Variants in GPR158 observed in about 807,000 individuals in gnomAD.
GPR158 encodes metabotropic glycine receptor.
A neutral mutation model predicts 78.2 loss-of-function variants in GPR158; 30 were observed. That is an observed-to-expected ratio of 0.38 (90% confidence interval 0.29 to 0.52). The LOEUF (loss-of-function observed/expected upper bound fraction) is 0.52. Ranked by LOEUF, GPR158 falls within the 20% of genes least tolerant of loss-of-function variation. GPR158 has a pLI of 0.83. For missense variants in GPR158, 1,463 were observed against 1,523.5 expected (o/e 0.96, Z 0.66); for synonymous variants, 581 against 591.1 (o/e 0.98, Z 0.25).
chr10:25,241,362 CTT>C (rs1353950023), intron 2 of GPR158, among the ~76,000 whole-genome samples: 2 of 109,648 alleles, frequency 1.8e-5, no homozygotes, highest in East Asian at 2.5e-4. Flanking sequence ...TTTCTTTTCT[CTT>C]TTCTTTTCTC....
chr10:25,529,843 C>G (rs909338054), intron 5 of GPR158, among the ~76,000 whole-genome samples: 1 of 152,180 alleles, frequency 6.6e-6, no homozygotes, highest in African/African-American at 2.4e-5. Flanking sequence ...GGCCTTGGTT[C>G]CAGTGCCTAG....
chr10:25,413,602 T>G (rs1384361797), intron 4 of GPR158, among the ~76,000 whole-genome samples: 2 of 152,158 alleles, frequency 1.3e-5, no homozygotes, highest in Non-Finnish European at 2.9e-5. Context: ...ACAGATTGGT[T>G]TAGATTACAG....
rs3054026 is a variant in GPR158, at chr10:25,328,927, C to CAAAAA, written c.1009-66967_1009-66963dup. Among the ~76,000 whole-genome samples the CAAAAA allele has an allele frequency of 3.5e-3, 313 of 88,882 alleles. 6 individuals are homozygous for CAAAAA. Among genetic ancestry groups the CAAAAA allele is most frequent in the African/African-American group, 9.7e-3 (172 of 17,648 alleles). 58.3% of individuals were successfully genotyped at this position (88,882 alleles called of 152,430 possible). ...GGGCAACAAGAGCGAAACTTCATCA[C>CAAAAA]AAAAAAAAAAAAAAAAAAAAAGAAT... On this transcript the variant is annotated intron_variant, in intron 2 of 10. Coordinates refer to ENST00000376351, the MANE Select transcript of GPR158 (RefSeq NM_020752.3).
intron 2 of GPR158, among the ~76,000 whole-genome samples, chr10:25,270,744 A>G (rs1246637095): frequency 6.6e-6 from 1 of 152,126 alleles, no homozygotes; most frequent in African/African-American, 2.4e-5. Flanking sequence ...TTTATCTCAT[A>G]CTATTTTTGT....
chr10:25,443,184 A>C (rs183876325), intron 4 of GPR158, among the ~76,000 whole-genome samples: 2 of 152,222 alleles, frequency 1.3e-5, no homozygotes, highest in Admixed American at 1.3e-4. Context: ...TCCTGGGTTC[A>C]AGTGATCCCC....
chr10:25,204,509 A>T (rs1179335030), intron 1 of GPR158, among the ~76,000 whole-genome samples: 2 of 152,150 alleles, frequency 1.3e-5, no homozygotes, highest in Non-Finnish European at 2.9e-5. Flanking sequence ...CTATTGAGAT[A>T]ATTATGTGGT....
chr10:25,408,869 C>T (rs1834550853), intron 3 of GPR158, among the ~76,000 whole-genome samples: 1 of 152,180 alleles, frequency 6.6e-6, no homozygotes, highest in African/African-American at 2.4e-5. Flanking sequence ...TCATGCTTCG[C>T]ACTTCCTGTT....
chr10:25,453,214 G>T lies in GPR158; in HGVS notation c.1336-13437G>T, dbSNP rs569649676. Among the ~76,000 whole-genome samples the T allele has an allele frequency of 3.3e-5, 5 of 152,252 alleles. No homozygotes were observed. In the South Asian group the frequency reaches 1.0e-3, roughly 32 times the overall value. On this transcript the variant is annotated intron_variant, in intron 4 of 10. Transcript: ENST00000376351. Reference sequence around the variant, plus strand: ...AGTGCAGATACCGCTTCGACATACTGATTTCATTTCCTTTGAATATATATC... The same window carrying T: ...AGTGCAGATACCGCTTCGACATACTTATTTCATTTCCTTTGAATATATATC...
intron 5 of GPR158, among the ~76,000 whole-genome samples, chr10:25,549,690 G>A (rs1836705157): frequency 6.6e-6 from 1 of 151,998 alleles, no homozygotes; most frequent in Non-Finnish European, 1.5e-5. Context: ...TAACACTTTT[G>A]TCCGTATTTT....
At chr10:25,317,211 AT>A (rs906422712) in intron 2 of GPR158, among the ~76,000 whole-genome samples, 1 of 150,878 alleles carries the variant, frequency 6.6e-6, no homozygotes, top group Non-Finnish European at 1.5e-5. Flanking sequence ...CACCAGGCTA[AT>A]TTTTTTTGTA....
intron 4 of GPR158, among the ~76,000 whole-genome samples, chr10:25,417,424 T>G (rs1834678347): frequency 6.6e-6 from 1 of 152,168 alleles, no homozygotes; most frequent in African/African-American, 2.4e-5. Context: ...ACACACATGG[T>G]TCTCTTTCCC....
chr10:25,414,859 C>T (rs1290868128), intron 4 of GPR158, among the ~76,000 whole-genome samples: 4 of 152,034 alleles, frequency 2.6e-5, no homozygotes, highest in Non-Finnish European at 5.9e-5. Context: ...ACAGAGGTAG[C>T]ATTACAGTTG....
At chr10:25,188,438 T>G (rs964050155) in intron 1 of GPR158, among the ~76,000 whole-genome samples, 1 of 152,100 alleles carries the variant, frequency 6.6e-6, no homozygotes, top group Non-Finnish European at 1.5e-5. Context: ...AACACAGATA[T>G]AGACCAATGG....
At chr10:25,286,953 CT>C (rs1166147556) in intron 2 of GPR158, among the ~76,000 whole-genome samples, 2 of 152,060 alleles carry the variant, frequency 1.3e-5, no homozygotes, top group Admixed American at 6.6e-5. Flanking sequence ...TTTCTCTCCC[CT>C]TTTTTGCTTA....
intron 2 of GPR158, among the ~76,000 whole-genome samples, chr10:25,223,487 A>T (rs993063236): frequency 6.6e-6 from 1 of 152,196 alleles, no homozygotes; most frequent in African/African-American, 2.4e-5. Context: ...TACCTGCAAC[A>T]GTTTTGGACC....
intron 4 of GPR158, among the ~76,000 whole-genome samples, chr10:25,466,019 T>A (rs1835416429): frequency 6.6e-6 from 1 of 152,132 alleles, no homozygotes; most frequent in African/African-American, 2.4e-5. Flanking sequence ...CTGATGTTTT[T>A]AACCCATCAG....
intron 4 of GPR158, among the ~76,000 whole-genome samples, chr10:25,460,530 G>A (rs558859733): frequency 5.4e-4 from 82 of 152,232 alleles, no homozygotes; most frequent in African/African-American, 1.9e-3. Context: ...GAGTTGACAC[G>A]AAGGTTTTTA....
At chr10:25,221,674 C>T (rs1303903801) in intron 2 of GPR158, among the ~76,000 whole-genome samples, 6 of 152,120 alleles carry the variant, frequency 3.9e-5, no homozygotes. Context: ...AGTCCCTATT[C>T]ATGCTTGATT....
At chr10:25,241,279 T>TCTTTC (rs774866791) in intron 2 of GPR158, among the ~76,000 whole-genome samples, 38,440 of 86,266 alleles carry the variant, frequency 0.45, 9,352 homozygotes, top group East Asian at 0.66. Flanking sequence ...TTCCTTTCTT[T>TCTTTC]CTTTCTTTTC....
Sources: gnomAD v4.1 joint callset for allele counts (sites outside exome capture counted in the v4.1 genomes callset) on GRCh38, gnomAD v4.1.1 for gene constraint, MANE v1.5 for transcripts, NCBI Gene and HGNC (gene_info 2026-07-23, HGNC 2026-07-21) for gene names.